AMHR2: variants seen among roughly 807,000 people sequenced by gnomAD.
AMHR2 encodes the protein anti-Muellerian hormone type-2 receptor.
AMHR2 carries 36 observed loss-of-function variants against 61.4 expected under a neutral mutation model. That is an observed-to-expected ratio of 0.59 (90% CI 0.45 to 0.77). The LOEUF (loss-of-function observed/expected upper bound fraction) is 0.77, where lower values mean the gene tolerates loss of function less well. AMHR2 is among the 30% of genes least tolerant of loss of function. AMHR2 has a pLI of 0.00. For synonymous variants in AMHR2, 258 were observed against 279.4 expected, an observed-to-expected ratio of 0.92 and a Z score of 0.76; for missense variants, 638 against 714.6, an observed-to-expected ratio of 0.89 and a Z score of 1.22.
At chr12:53,425,999 C>G in intron 6 of AMHR2, 80 bp downstream of exon 6, 1 of 1,342,754 alleles carries the variant, frequency 7.4e-7, no homozygotes, top group South Asian at 1.2e-5. Flanking sequence ...CAGCTGGGCC[C>G]TGTTGATTGC....
chr12:53,424,680 C>A (rs374822702), intron 2 of AMHR2, 29 bp from the exon 3 acceptor site: 32 of 1,607,806 alleles, frequency 2.0e-5, no homozygotes, highest in Non-Finnish European at 2.5e-5. Flanking sequence ...CCCCCTTTCT[C>A]TCCTCTTCCC....
chr12:53,430,583 A>G, intron 10 of AMHR2: 1 of 496,216 alleles, frequency 2.0e-6, no homozygotes, highest in Non-Finnish European at 3.7e-6. Context: ...CCCCTTCTCC[A>G]GGAAGCCCTC....
chr12:53,426,624 C>G (rs1939618460), intron 6 of AMHR2, among the ~76,000 whole-genome samples: 1 of 152,024 alleles, frequency 6.6e-6, no homozygotes, highest in Non-Finnish European at 1.5e-5. Context: ...GACCCTGTCT[C>G]AAAATAATAA....
chr12:53,425,605 G>T, intron 5 of AMHR2, 32 bp downstream of exon 5: 4 of 1,612,552 alleles, frequency 2.5e-6, no homozygotes, highest in Non-Finnish European at 3.4e-6. Flanking sequence ...GGGCTCCTCT[G>T]GGCACTCCTG....
In AMHR2 at chr12:53,429,493, C is replaced by T; in HGVS notation, c.1008C>T (p.Ser336=). The part of the protein sequence containing the change: ...KPGIAHRDLS[S]QNVLIREDGS... Reference sequence around the variant, plus strand: ...GTATTGCCCACCGAGATCTGAGCAGCCAGAATGTGCTCATTCGGGAAGATG... The same window carrying T: ...GTATTGCCCACCGAGATCTGAGCAGTCAGAATGTGCTCATTCGGGAAGATG... Residue 336 remains serine, a synonymous_variant, in exon 8 of 11, where the codon AGC becomes AGT. Coordinates refer to ENST00000257863, the MANE Select transcript of AMHR2 (RefSeq NM_020547.3). The T allele has an allele frequency of 6.2e-7, 1 of 1,613,864 alleles. No individual in the cohort carries two copies. Among genetic ancestry groups the T allele is most frequent in the Non-Finnish European group, 8.5e-7 (1 of 1,180,008 alleles).
intron 4 of AMHR2, 65 bp from the exon 5 acceptor site, chr12:53,425,390 C>T (rs1939474624): frequency 6.2e-7 from 1 of 1,605,670 alleles, no homozygotes. Context: ...GCTCCCTTTC[C>T]ACGAAGTCCC....
At chr12:53,426,030 T>C in intron 6 of AMHR2, 111 bp downstream of exon 6, 4 of 1,153,912 alleles carry the variant, frequency 3.5e-6, no homozygotes, top group Non-Finnish European at 5.0e-6. Flanking sequence ...GATTTTCTCT[T>C]TTCTAAAACA....
intron 10 of AMHR2, 174 bp downstream of exon 10, chr12:53,430,456 C>A: frequency 1.0e-6 from 1 of 954,390 alleles, no homozygotes; most frequent in Non-Finnish European, 1.6e-6. Context: ...AGTTCATCCT[C>A]TTCCACCCTA....
At chr12:53,425,982 T>A (rs1939547821) in intron 6 of AMHR2, 63 bp downstream of exon 6, 2 of 1,487,680 alleles carry the variant, frequency 1.3e-6, no homozygotes, top group African/African-American at 1.4e-5. Flanking sequence ...AGGTGGGGGC[T>A]ACATGGCAGC....
At chr12:53,427,315 G>A (rs1176870888) in intron 6 of AMHR2, among the ~76,000 whole-genome samples, 2 of 152,314 alleles carry the variant, frequency 1.3e-5, no homozygotes, top group East Asian at 3.9e-4. Context: ...AGGCCCTGTG[G>A]GCCTGTTAAA....
intron 1 of AMHR2, 143 bp from the exon 2 acceptor site, chr12:53,424,145 C>T: frequency 7.5e-7 from 1 of 1,336,572 alleles, no homozygotes; most frequent in Non-Finnish European, 1.1e-6. Context: ...GGTTCCAGGC[C>T]TCTGCTGACC....
At position 53,425,590 on chromosome 12, in the gene AMHR2, G is replaced by A; in HGVS notation, c.621+17G>A. On this transcript the variant is annotated intron_variant, in intron 5 of 10. Transcript: ENST00000257863. ...TTCTCCCAGGTGCCCCAGGGAGGGA[G>A]AGAAGGGCTCCTCTGGGCACTCCTG... The A allele has an allele frequency of 6.2e-7, 1 of 1,613,418 alleles. No individual in the cohort carries two copies. The highest frequency in any genetic ancestry group is 1.1e-5 in the South Asian group (1 of 91,062).
Position 53,428,878 on chromosome 12 carries a change from C to T in AMHR2, c.853-18C>T. The T allele has an allele frequency of 1.3e-6, 2 of 1,537,366 alleles. No homozygotes were observed. Among genetic ancestry groups the T allele is most frequent in the African/African-American group, 1.4e-5 (1 of 72,846 alleles). On this transcript the variant is annotated intron_variant, in intron 6 of 10. Coordinates refer to ENST00000257863, the MANE Select transcript of AMHR2 (RefSeq NM_020547.3). ...CTCCAGCTTTGTGTACCATCCTTTTCTCTCTGCGTTTCCCCAGGGCTCCCT... is the reference window on the plus strand; with the variant it reads ...CTCCAGCTTTGTGTACCATCCTTTTTTCTCTGCGTTTCCCCAGGGCTCCCT...
chr12:53,425,055 T>G, intron 3 of AMHR2, 110 bp from the exon 4 acceptor site: 4 of 1,591,176 alleles, frequency 2.5e-6, no homozygotes, highest in Non-Finnish European at 3.4e-6. Flanking sequence ...AGATAAGGGG[T>G]CTTGTGACCA....
chr12:53,425,312 G>A, intron 4 of AMHR2, 70 bp downstream of exon 4: 2 of 1,608,298 alleles, frequency 1.2e-6, no homozygotes, highest in Admixed American at 3.3e-5. Flanking sequence ...CCCTCTCCAG[G>A]CACCCCTGAC....
chr12:53,429,848 C>T lies in AMHR2; in HGVS notation c.1158C>T (p.Tyr386=), dbSNP rs759503198. Residue 386 remains tyrosine (Y), a synonymous_variant, in exon 9 of 11, where the codon TAC becomes TAT. Coordinates refer to ENST00000257863, the MANE Select transcript of AMHR2 (RefSeq NM_020547.3). ...CTCTCCAGGCTGGCACCCAGAGGTACATGGCACCAGAGCTCTTGGACAAGA... is the reference window on the plus strand; with the variant it reads ...CTCTCCAGGCTGGCACCCAGAGGTATATGGCACCAGAGCTCTTGGACAAGA... ...AAIMEAGTQR[Y]MAPELLDKTL... is the part of the protein sequence containing the mutation. The T allele has an allele frequency of 3.7e-6, 6 of 1,614,070 alleles. No homozygotes were observed. Among genetic ancestry groups the T allele is most frequent in the Non-Finnish European group, 5.1e-6 (6 of 1,180,026 alleles).
At chr12:53,424,630 A>G in intron 2 of AMHR2, 79 bp from the exon 3 acceptor site, 1 of 1,535,568 alleles carries the variant, frequency 6.5e-7, no homozygotes, top group Non-Finnish European at 8.9e-7. Context: ...GAAGGGATTT[A>G]CCCTCTGTTT....
Position 53,423,858 on chromosome 12 carries a change from T to C in AMHR2, c.-77T>C. 4 of 1,523,912 alleles carry C rather than the reference T, an allele frequency of 2.6e-6. No individual in the cohort carries two copies. The highest frequency in any genetic ancestry group is 3.6e-6 in the Non-Finnish European group (4 of 1,100,310). 94.4% of individuals were successfully genotyped at this position (1,523,912 alleles called of 1,614,324 possible). On this transcript the variant is annotated 5_prime_UTR_variant, in exon 1 of 11. Coordinates refer to ENST00000257863, the MANE Select transcript of AMHR2 (RefSeq NM_020547.3). ...ATCAGAAGCCCCAGGATGCCCTGTATCTGAAGAAAGATTTGGCCAGGGGCA... is the reference window on the plus strand; with the variant it reads ...ATCAGAAGCCCCAGGATGCCCTGTACCTGAAGAAAGATTTGGCCAGGGGCA...
chr12:53,429,141 C>T (rs1245044085), intron 7 of AMHR2, 131 bp downstream of exon 7: 16 of 913,020 alleles, frequency 1.8e-5, no homozygotes, highest in Non-Finnish European at 2.8e-5. Context: ...GCCTATAATC[C>T]CAGCACTTTG....
Sources: allele counts gnomAD v4.1 joint callset (sites outside exome capture counted in the v4.1 genomes callset), GRCh38; gene constraint gnomAD v4.1.1; transcripts MANE v1.5; gene names NCBI Gene and HGNC (gene_info 2026-07-23, HGNC 2026-07-21).